Variants in OPN5 observed in about 807,000 individuals in gnomAD.
OPN5 encodes the protein opsin 5, also known as opsin-5.
A neutral mutation model predicts 41.7 loss-of-function variants in OPN5; 18 were observed. The ratio of observed to expected loss-of-function variants is 0.43; its 90% CI spans 0.30 to 0.64. The LOEUF (loss-of-function observed/expected upper bound fraction) is 0.64, where lower values mean the gene tolerates loss of function less well. Ranked by LOEUF, OPN5 falls within the 30% of genes least tolerant of loss-of-function variation. OPN5 has a pLI of 0.13. For missense variants in OPN5, 318 were observed against 434.5 expected, an observed-to-expected ratio of 0.73 and a Z score of 2.38; for synonymous variants, 178 against 164.3, an observed-to-expected ratio of 1.08 and a Z score of -0.64.
intron 4 of OPN5, among the ~76,000 whole-genome samples, chr6:47,802,546 G>T (rs1293642385): frequency 6.6e-6 from 1 of 152,076 alleles, no homozygotes; most frequent in East Asian, 1.9e-4. Context: ...TCTAAACTCT[G>T]CATGTCTATG....
chr6:47,813,836 T>C (rs1762343303), intron 6 of OPN5, among the ~76,000 whole-genome samples: 2 of 151,564 alleles, frequency 1.3e-5, no homozygotes, highest in African/African-American at 4.8e-5. Flanking sequence ...GAGTTGAGGA[T>C]AACTTGGGGC....
intron 6 of OPN5, among the ~76,000 whole-genome samples, chr6:47,817,953 C>T (rs1762480959): frequency 6.6e-6 from 1 of 152,126 alleles, no homozygotes; most frequent in Admixed American, 6.5e-5. Flanking sequence ...GGCCCATTCA[C>T]CTCTTCAAGA....
chr6:47,816,084 G>A (rs929850477), intron 6 of OPN5, among the ~76,000 whole-genome samples: 1 of 151,976 alleles, frequency 6.6e-6, no homozygotes, highest in Admixed American at 6.6e-5. Context: ...TTTTATTTTG[G>A]TTTTAACATT....
chr6:47,800,545 A>G (rs1160634822), intron 4 of OPN5, among the ~76,000 whole-genome samples: 1 of 152,234 alleles, frequency 6.6e-6, no homozygotes, highest in Non-Finnish European at 1.5e-5. Context: ...GGGAAGTTGC[A>G]TATCTTGTAA....
Position 47,823,972 on chromosome 6 carries a change from CT to C in OPN5, c.1057-9del, listed in dbSNP as rs1455883788. 6.5e-7 allele frequency: 1 copy of C among 1,549,698 alleles called. No individual in the cohort carries two copies. The highest frequency in any genetic ancestry group is 8.7e-7 in the Non-Finnish European group (1 of 1,145,314). On this transcript the variant is annotated splice_polypyrimidine_tract_variant and intron_variant, in intron 6 of 6. Coordinates refer to ENST00000371211, the Ensembl canonical transcript of OPN5. The stretch of plus-strand genomic sequence containing the variant: ...GCCTCACCCTAAAACTCAATTTTTT[CT>C]TCTCTACAGTGGGAATAACAAATGT...
chr6:47,795,237 C>T, exon 4 of OPN5: 3 of 1,593,232 alleles, frequency 1.9e-6, no homozygotes, highest in Non-Finnish European at 2.6e-6. Context: ...AGGGGTTTGG[C>T]TGAAAAGAAA....
chr6:47,815,829 C>T (rs1216463142), intron 6 of OPN5, among the ~76,000 whole-genome samples: 1 of 152,122 alleles, frequency 6.6e-6, no homozygotes, highest in Non-Finnish European at 1.5e-5. Context: ...ATGATTTAAC[C>T]TTCAGCATAT....
At chr6:47,790,546 C>T (rs1773337628) in intron 2 of OPN5, among the ~76,000 whole-genome samples, 1 of 152,174 alleles carries the variant, frequency 6.6e-6, no homozygotes, top group South Asian at 2.1e-4. Context: ...TGTGAATACT[C>T]AACTTTCTGG....
At chr6:47,782,775 G>C (rs1288690394) in intron 1 of OPN5, among the ~76,000 whole-genome samples, 1 of 152,132 alleles carries the variant, frequency 6.6e-6, no homozygotes, top group Non-Finnish European at 1.5e-5. Context: ...AAAGTCCGGG[G>C]TCAAAAGATT....
chr6:47,800,189 A>G (rs1286853364), intron 4 of OPN5, among the ~76,000 whole-genome samples: 1 of 152,190 alleles, frequency 6.6e-6, no homozygotes, highest in African/African-American at 2.4e-5. Flanking sequence ...TGGCATTACA[A>G]TAAAGAGTTT....
At chr6:47,789,388 T>C (rs149717090) in intron 2 of OPN5, among the ~76,000 whole-genome samples, 28 of 151,844 alleles carry the variant, frequency 1.8e-4, no homozygotes, top group Non-Finnish European at 3.7e-4. Flanking sequence ...TACCACATCT[T>C]ATATTACAAA....
At chr6:47,814,978 A>G (rs1762388443) in intron 6 of OPN5, among the ~76,000 whole-genome samples, 1 of 152,138 alleles carries the variant, frequency 6.6e-6, no homozygotes, top group South Asian at 2.1e-4. Context: ...CCAAGAATAT[A>G]AAATCCTAGA....
chr6:47,824,908 G>A (rs1265490481), downstream of OPN5: 1 of 149,476 alleles, frequency 6.7e-6, no homozygotes, highest in Non-Finnish European at 1.5e-5. Context: ...TTACTTTGTT[G>A]GAAACTATGC....
At chr6:47,794,678 A>T (rs931376023) in intron 3 of OPN5, 1 of 152,564 alleles carries the variant, frequency 6.6e-6, no homozygotes. Context: ...ACGTTTGAAG[A>T]TTCCAAACCT....
intron 1 of OPN5, among the ~76,000 whole-genome samples, chr6:47,786,111 C>G (rs1773182511): frequency 6.6e-6 from 1 of 152,206 alleles, no homozygotes; most frequent in Admixed American, 6.5e-5. Flanking sequence ...TTGGCTTCAT[C>G]TTCAGAATTT....
At chr6:47,794,948 C>T in intron 3 of OPN5, 1 of 351,778 alleles carries the variant, frequency 2.8e-6, no homozygotes, top group Non-Finnish European at 5.2e-6. Flanking sequence ...CTTCAGCATC[C>T]TCTCATCTCT....
chr6:47,787,933 G>GT (rs1773242659), intron 2 of OPN5, among the ~76,000 whole-genome samples: 1 of 152,052 alleles, frequency 6.6e-6, no homozygotes, highest in East Asian at 1.9e-4. Context: ...TTCTCTCTTC[G>GT]CAAGTGGATT....
At chr6:47,824,870 A>G (rs960239821), downstream of OPN5, 1 of 152,160 alleles carries the variant, frequency 6.6e-6, no homozygotes, top group Non-Finnish European at 1.5e-5. Flanking sequence ...CCATAATTCA[A>G]TAAAATAGCT....
intron 6 of OPN5, among the ~76,000 whole-genome samples, chr6:47,813,707 A>C (rs547605747): frequency 6.6e-6 from 1 of 152,298 alleles, no homozygotes; most frequent in South Asian, 2.1e-4. Context: ...CTTTATAACA[A>C]AATTACAACT....
Sources: allele counts gnomAD v4.1 joint callset (sites outside exome capture counted in the v4.1 genomes callset), GRCh38; gene constraint gnomAD v4.1.1; transcripts MANE v1.5; gene names NCBI Gene and HGNC (gene_info 2026-07-23, HGNC 2026-07-21).